Variants in SCN9A observed in about 807,000 individuals in gnomAD.
SCN9A encodes the protein sodium channel protein type 9 subunit alpha.
A neutral mutation model predicts 187.0 loss-of-function variants in SCN9A; 131 were observed. That is an observed-to-expected ratio of 0.70 (90% CI 0.61 to 0.81). The LOEUF (loss-of-function observed/expected upper bound fraction) is 0.81. SCN9A is among the 30% of genes least tolerant of loss of function. The pLI is 0.00. For synonymous variants in SCN9A, 809 were observed against 808.6 expected (o/e 1.00, Z -0.01); for missense variants, 2,252 against 2,396.6 (o/e 0.94, Z 1.26).
intron 21 of SCN9A, among the ~76,000 whole-genome samples, chr2:166,231,703 C>T (rs1695093378): frequency 6.6e-6 from 1 of 151,838 alleles, no homozygotes; most frequent in Non-Finnish European, 1.5e-5. Context: ...AGGTGAGCAC[C>T]ACTATGCCCG....
At chr2:166,366,364 T>C (rs71428918) in intron 1 of SCN9A, among the ~76,000 whole-genome samples, 1 of 152,220 alleles carries the variant, frequency 6.6e-6, no homozygotes, top group South Asian at 2.1e-4. Context: ...CTTCTTTTTT[T>C]AAGGCTAGAT....
chr2:166,349,126 A>AAAACAAAC (rs150473901), intron 1 of SCN9A, among the ~76,000 whole-genome samples: 156 of 150,374 alleles, frequency 1.0e-3, no homozygotes, highest in Middle Eastern at 3.4e-3. Context: ...AAACTCCGTC[A>AAAACAAAC]AAACAAACAA....
intron 18 of SCN9A, 55 bp from the exon 19 acceptor site, chr2:166,242,711 T>G (rs1048100316): frequency 2.2e-6 from 3 of 1,355,826 alleles, no homozygotes; most frequent in Non-Finnish European, 3.0e-6. Context: ...ATAAAATTTT[T>G]AATACATTAT....
chr2:166,199,975 G>GATTTTTTT (rs1693410124), intron 26 of SCN9A, 111 bp from the exon 27 acceptor site: 1 of 79,310 alleles, frequency 1.3e-5, no homozygotes, highest in Non-Finnish European at 2.6e-5. Context: ...ATTCAAGACA[G>GATTTTTTT]TTTTTTTTTT....
intron 24 of SCN9A, among the ~76,000 whole-genome samples, chr2:166,208,528 G>A (rs144605695): frequency 0.035 from 1,822 of 52,666 alleles, 20 homozygotes; most frequent in Middle Eastern, 0.066. Flanking sequence ...GCTCAAATTT[G>A]TAATTATATA....
At chr2:166,220,633 G>A (rs950855348) in intron 24 of SCN9A, among the ~76,000 whole-genome samples, 3 of 152,086 alleles carry the variant, frequency 2.0e-5, no homozygotes, top group African/African-American at 7.2e-5. Flanking sequence ...TTCTGTTATA[G>A]TAGCACAAAT....
chr2:166,212,061 G>T (rs891317734), intron 24 of SCN9A, among the ~76,000 whole-genome samples: 1 of 152,170 alleles, frequency 6.6e-6, no homozygotes, highest in African/African-American at 2.4e-5. Context: ...TAGTTTGAAA[G>T]TTAATTGATA....
At chr2:166,279,923 C>T (rs1357938076) in intron 14 of SCN9A, among the ~76,000 whole-genome samples, 2 of 151,896 alleles carry the variant, frequency 1.3e-5, no homozygotes, top group Non-Finnish European at 2.9e-5. Flanking sequence ...GCATTCAAAC[C>T]CAGGACTTTG....
intron 19 of SCN9A, among the ~76,000 whole-genome samples, chr2:166,240,424 T>C (rs1466665144): frequency 2.0e-5 from 3 of 152,198 alleles, no homozygotes; most frequent in Admixed American, 6.5e-5. Context: ...TCCCTTTTCT[T>C]CCTCATATGA....
At chr2:166,358,072 T>C (rs1186761287) in intron 1 of SCN9A, among the ~76,000 whole-genome samples, 1 of 150,234 alleles carries the variant, frequency 6.7e-6, no homozygotes, top group Non-Finnish European at 1.5e-5. Context: ...ATTTATTTAT[T>C]TATTTATTTA....
chr2:166,235,419 C>T (rs1193835105), intron 20 of SCN9A, among the ~76,000 whole-genome samples: 1 of 152,024 alleles, frequency 6.6e-6, no homozygotes. Context: ...ACCCAGAAGC[C>T]TGCAGAAATC....
At chr2:166,288,343 C>CTCCT in intron 10 of SCN9A, 94 bp downstream of exon 10, 1 of 936,498 alleles carries the variant, frequency 1.1e-6, no homozygotes, top group East Asian at 2.5e-5. Flanking sequence ...TAAAGAAAAT[C>CTCCT]TAGCTGGAGA....
At chr2:166,245,279 G>A (rs913962677) in intron 18 of SCN9A, among the ~76,000 whole-genome samples, 1 of 152,076 alleles carries the variant, frequency 6.6e-6, no homozygotes, top group East Asian at 1.9e-4. Context: ...TTTGTAAATT[G>A]TGTGTCATAT....
intron 17 of SCN9A, among the ~76,000 whole-genome samples, chr2:166,262,453 G>T (rs73021660): frequency 0.013 from 1,901 of 151,954 alleles, 45 homozygotes; most frequent in African/African-American, 0.043. Flanking sequence ...TATTACCAAG[G>T]TAGACTATAA....
chr2:166,372,219 C>A (rs1437022572), intron 1 of SCN9A, among the ~76,000 whole-genome samples: 1 of 152,024 alleles, frequency 6.6e-6, no homozygotes, highest in Non-Finnish European at 1.5e-5. Flanking sequence ...CATGGATAAG[C>A]CCACATTGCC....
chr2:166,309,185 G>A lies in SCN9A; in HGVS notation c.259-2111C>T, dbSNP rs115119378. On this transcript the variant is annotated intron_variant, in intron 2 of 26. Transcript: ENST00000642356. ...AATTATCAGGGAGACTTTATAAACC[G>A]GAGGTCATCTGAGCTAACATGAAAA... Among the ~76,000 whole-genome samples the A allele has an allele frequency of 4.7e-3, 715 of 152,104 alleles. 8 individuals are homozygous for A. Among genetic ancestry groups the A allele is most frequent in the African/African-American group, 0.016 (667 of 41,512 alleles).
At chr2:166,279,988 A>T (rs1480928778) in intron 14 of SCN9A, among the ~76,000 whole-genome samples, 1 of 152,154 alleles carries the variant, frequency 6.6e-6, no homozygotes, top group East Asian at 1.9e-4. Flanking sequence ...ATACATCCAT[A>T]GGTTTTCTGA....
Position 166,256,933 on chromosome 2 carries a change from G to A in SCN9A, c.3352-5048C>T, listed in dbSNP as rs540874777. 1.4e-4 allele frequency among the ~76,000 whole-genome samples: 21 copies of A among 151,696 alleles called. 1 individual carries two copies. In the South Asian group the frequency reaches 4.2e-3, roughly 30 times the overall value. On this transcript the variant is annotated intron_variant, in intron 17 of 26. Transcript: ENST00000642356. Reference sequence around the variant, plus strand: ...CTTACGTGACTAAATGATAAGATATGAATATAAAGAAATCATATAAAAGCA... The same window carrying A: ...CTTACGTGACTAAATGATAAGATATAAATATAAAGAAATCATATAAAAGCA...
rs186478360 is a variant in SCN9A, at chr2:166,270,209, A to G, written c.3351+2190T>C. ...CTACAGATGGAAAATAATTGGAAAA[A>G]ATAAATATAAAAATACAACAATAAA... On this transcript the variant is annotated intron_variant, in intron 17 of 26. Transcript: ENST00000642356. Among the ~76,000 whole-genome samples the G allele has an allele frequency of 2.0e-5, 3 of 152,274 alleles. No homozygotes were observed. The East Asian group carries it at 5.8e-4, about 29-fold the overall frequency.
Sources: gnomAD v4.1 joint callset for allele counts (sites outside exome capture counted in the v4.1 genomes callset) on GRCh38, gnomAD v4.1.1 for gene constraint, MANE v1.5 for transcripts, NCBI Gene and HGNC (gene_info 2026-07-23, HGNC 2026-07-21) for gene names.